PPP1R1C: variants seen among roughly 807,000 people sequenced by gnomAD.
PPP1R1C encodes the protein protein phosphatase 1 regulatory inhibitor subunit 1C.
In PPP1R1C, 15 loss-of-function variants were observed where a neutral mutation model predicts 17.4. The ratio of observed to expected loss-of-function variants is 0.86; its 90% CI spans 0.58 to 1.33. PPP1R1C has a LOEUF of 1.33. Among genes scored for constraint, PPP1R1C ranks in the 40% most tolerant of loss-of-function variants. The pLI, the probability that PPP1R1C is intolerant of heterozygous loss-of-function variation, is 0.00. For synonymous variants in PPP1R1C, 35 were observed against 43.1 expected (o/e 0.81, Z 0.73); for missense variants, 143 against 130.0 (o/e 1.10, Z -0.48).
At chr2:181,991,111 TTGC>T (rs1218704776) in intron 2 of PPP1R1C, among the ~76,000 whole-genome samples, 1 of 54,856 alleles carries the variant, frequency 1.8e-5, no homozygotes, top group Non-Finnish European at 3.4e-5. Context: ...TAGACATAGC[TTGC>T]TTTTTTTTTT....
At chr2:182,051,995 T>C (rs964557643) in intron 2 of PPP1R1C, among the ~76,000 whole-genome samples, 3 of 150,644 alleles carry the variant, frequency 2.0e-5, no homozygotes, top group Non-Finnish European at 4.4e-5. Flanking sequence ...ACAGTGAGAC[T>C]CTGTCTCAAA....
rs534306416 is a variant in PPP1R1C, at chr2:182,075,566, C to G, written c.241+11775C>G. On this transcript the variant is annotated intron_variant, in intron 4 of 4. Coordinates refer to ENST00000682840, the MANE Select transcript of PPP1R1C (RefSeq NM_001080545.3). ...GAGCAGGCTGCCTGATGAGCAGAGG[C>G]AGAAACACATAAAATTTACACACCA... Among the ~76,000 whole-genome samples, 241 of 152,294 alleles carry G rather than the reference C, an allele frequency of 1.6e-3. 2 individuals carry two copies. Among genetic ancestry groups the G allele is most frequent in the African/African-American group, 5.6e-3 (231 of 41,554 alleles).
chr2:182,094,762 G>T (rs933363481), intron 4 of PPP1R1C, among the ~76,000 whole-genome samples: 1 of 152,156 alleles, frequency 6.6e-6, no homozygotes, highest in African/African-American at 2.4e-5. Context: ...TGAGCAGTAG[G>T]ATATATATAA....
intron 1 of PPP1R1C, 26 bp downstream of exon 1, chr2:181,986,217 T>C (rs775686352): frequency 3.3e-5 from 51 of 1,527,056 alleles, no homozygotes; most frequent in Non-Finnish European, 1.8e-6. Context: ...TGGAGAACCA[T>C]TCCTGTACAT....
chr2:182,037,647 A>G (rs1687052301), intron 2 of PPP1R1C, among the ~76,000 whole-genome samples: 1 of 152,200 alleles, frequency 6.6e-6, no homozygotes, highest in Non-Finnish European at 1.5e-5. Flanking sequence ...TCAACAAGCT[A>G]TTGATGGCAA....
intron 4 of PPP1R1C, among the ~76,000 whole-genome samples, chr2:182,096,838 A>G (rs1319502224): frequency 3.9e-5 from 6 of 152,170 alleles, no homozygotes. Context: ...AGTTGTTCTG[A>G]AATTTCAATA....
intron 2 of PPP1R1C, among the ~76,000 whole-genome samples, chr2:182,007,910 T>A (rs1415970260): frequency 2.6e-5 from 4 of 151,776 alleles, no homozygotes; most frequent in Non-Finnish European, 4.4e-5. Context: ...AAAATAATTT[T>A]AAAAAAACTT....
downstream of PPP1R1C, among the ~76,000 whole-genome samples, chr2:182,120,171 C>A (rs1160261423): frequency 6.6e-6 from 1 of 152,152 alleles, no homozygotes; most frequent in Non-Finnish European, 1.5e-5. Flanking sequence ...GGAATCCTTT[C>A]CCCATTTCTT....
intron 4 of PPP1R1C, among the ~76,000 whole-genome samples, chr2:182,097,578 G>A (rs1483754357): frequency 6.6e-6 from 1 of 152,170 alleles, no homozygotes; most frequent in Non-Finnish European, 1.5e-5. Flanking sequence ...GTCTTTCCAT[G>A]AAACTGGTGA....
intron 2 of PPP1R1C, among the ~76,000 whole-genome samples, chr2:182,031,229 G>A (rs1388507617): frequency 6.6e-6 from 1 of 152,160 alleles, no homozygotes; most frequent in Non-Finnish European, 1.5e-5. Flanking sequence ...GGCCATCTTG[G>A]CTCCTCCCCC....
intron 4 of PPP1R1C, among the ~76,000 whole-genome samples, chr2:182,068,940 A>G (rs1039639164): frequency 2.0e-5 from 3 of 152,182 alleles, no homozygotes; most frequent in South Asian, 2.1e-4. Flanking sequence ...TTATGACTCA[A>G]AAAAACTCTC....
At chr2:181,968,043 GTGATCAGAGAAAATACTTGATA>G (rs1444969504) in intron 1 of PPP1R1C, among the ~76,000 whole-genome samples, 12 of 152,306 alleles carry the variant, frequency 7.9e-5, no homozygotes, top group African/African-American at 2.6e-4. Flanking sequence ...TTACTCCATT[GTGATCAGAGAAAATACTTGATA>G]TGATTCCAGT....
intron 2 of PPP1R1C, among the ~76,000 whole-genome samples, chr2:182,012,041 T>C (rs1345633373): frequency 6.6e-6 from 1 of 152,068 alleles, no homozygotes; most frequent in Non-Finnish European, 1.5e-5. Flanking sequence ...TAACATATGG[T>C]CTCTCCTTGA....
At chr2:182,058,642 C>T (rs886270456) in intron 2 of PPP1R1C, among the ~76,000 whole-genome samples, 2 of 152,092 alleles carry the variant, frequency 1.3e-5, no homozygotes, top group Non-Finnish European at 2.9e-5. Flanking sequence ...TTTCCCATTT[C>T]ACACATGAGG....
intron 2 of PPP1R1C, among the ~76,000 whole-genome samples, chr2:182,033,786 C>T (rs10497589): frequency 0.038 from 5,742 of 152,204 alleles, 376 homozygotes; most frequent in Admixed American, 0.18. Context: ...GTTCCAAGCT[C>T]ATTTGTGTGA....
chr2:182,125,730 A>C (rs906512378), intron 5 of PPP1R1C, among the ~76,000 whole-genome samples: 1 of 152,090 alleles, frequency 6.6e-6, no homozygotes, highest in Non-Finnish European at 1.5e-5. Context: ...TTTTTGTGGG[A>C]TCAGTGGTGA....
chr2:181,997,325 T>C (rs1453735690), intron 2 of PPP1R1C, among the ~76,000 whole-genome samples: 3 of 151,798 alleles, frequency 2.0e-5, no homozygotes, highest in South Asian at 2.1e-4. Flanking sequence ...TATCCAACTG[T>C]ATGTAAAAAA....
chr2:182,000,583 T>C (rs1685733294), intron 2 of PPP1R1C, among the ~76,000 whole-genome samples: 1 of 152,160 alleles, frequency 6.6e-6, no homozygotes, highest in African/African-American at 2.4e-5. Flanking sequence ...TTAGCAACAG[T>C]TACCATAGAG....
intron 4 of PPP1R1C, among the ~76,000 whole-genome samples, chr2:182,090,684 C>T (rs1688756100): frequency 1.3e-5 from 2 of 152,104 alleles, no homozygotes; most frequent in Admixed American, 1.3e-4. Context: ...CCAGCAATTT[C>T]CCTGAGAATA....
Sources: gnomAD v4.1 joint callset for allele counts (sites outside exome capture counted in the v4.1 genomes callset) on GRCh38, gnomAD v4.1.1 for gene constraint, MANE v1.5 for transcripts, NCBI Gene and HGNC (gene_info 2026-07-23, HGNC 2026-07-21) for gene names.